The following PCDHA3 variants were observed in gnomAD, a reference collection of about 807,000 sequenced individuals.
PCDHA3 encodes protocadherin alpha-3.
PCDHA3 carries 41 observed loss-of-function variants against 62.2 expected under a neutral mutation model. The ratio of observed to expected loss-of-function variants is 0.66; its 90% CI spans 0.51 to 0.86. PCDHA3 has a LOEUF of 0.86. Ranked by LOEUF, PCDHA3 falls within the 40% of genes least tolerant of loss-of-function variation. PCDHA3 has a pLI of 0.00. For missense variants in PCDHA3, 1,304 were observed against 1,241.2 expected (o/e 1.05, Z -0.76); for synonymous variants, 640 against 555.4 (o/e 1.15, Z -2.14).
At chr5:140,990,862 AT>A (rs2097420167) in intron 3 of PCDHA3, among the ~76,000 whole-genome samples, 1 of 152,198 alleles carries the variant, frequency 6.6e-6, no homozygotes, top group Non-Finnish European at 1.5e-5. Flanking sequence ...AGGACATTGT[AT>A]TTTAAGTGTA....
Position 140,928,819 on chromosome 5 carries a change from G to A in PCDHA3, c.2395-50130G>A, listed in dbSNP as rs1464149149. On this transcript the variant is annotated intron_variant, in intron 1 of 3. Coordinates refer to ENST00000522353, the MANE Select transcript of PCDHA3 (RefSeq NM_018906.3). ...GGTGGTAGTGGTTCGGGACCATGGAGACCCACCACTTTCCTCCTCTGTCAC... is the reference window on the plus strand; with the variant it reads ...GGTGGTAGTGGTTCGGGACCATGGAAACCCACCACTTTCCTCCTCTGTCAC... 8 of 1,614,024 alleles carry A rather than the reference G, an allele frequency of 5.0e-6. No homozygotes were observed. In the Admixed American group the frequency reaches 1.0e-4, roughly 20 times the overall value.
chr5:140,870,256 A>G, intron 1 of PCDHA3: 1 of 1,614,168 alleles, frequency 6.2e-7, no homozygotes, highest in Non-Finnish European at 8.5e-7. Flanking sequence ...CGGACAGGTG[A>G]CCTGCTCGCT....
At chr5:140,821,828 T>G in intron 1 of PCDHA3, 1 of 1,614,176 alleles carries the variant, frequency 6.2e-7, no homozygotes, top group East Asian at 2.2e-5. Context: ...CTGCTCTGGC[T>G]TCTCCTTGCC....
intron 1 of PCDHA3, chr5:140,823,494 C>T (rs782300400): frequency 1.9e-6 from 3 of 1,613,266 alleles, no homozygotes; most frequent in Non-Finnish European, 2.5e-6. Flanking sequence ...GTGGCACCGG[C>T]GGCGCAGTGA....
chr5:140,835,559 C>T, intron 1 of PCDHA3: 1 of 1,613,922 alleles, frequency 6.2e-7, no homozygotes, highest in Non-Finnish European at 8.5e-7. Flanking sequence ...TGACGCCCCG[C>T]GTTCCCTTCA....
intron 1 of PCDHA3, chr5:140,926,634 T>C (rs2083423230): frequency 6.8e-6 from 3 of 438,778 alleles, no homozygotes; most frequent in Non-Finnish European, 1.2e-5. Context: ...GCTGCGCTCC[T>C]CAACACCCGG....
intron 1 of PCDHA3, among the ~76,000 whole-genome samples, chr5:140,880,863 T>C (rs1312869588): frequency 6.6e-6 from 1 of 152,170 alleles, no homozygotes; most frequent in Non-Finnish European, 1.5e-5. Flanking sequence ...TCTAATTATG[T>C]GAAGAGGTAA....
intron 1 of PCDHA3, chr5:140,856,675 G>T (rs782417357): frequency 6.3e-7 from 1 of 1,597,790 alleles, no homozygotes; most frequent in South Asian, 1.1e-5. Context: ...AGCTAAAGTT[G>T]TTGTTGACAG....
At chr5:140,926,537 T>C (rs1584447910) in intron 1 of PCDHA3, 2 of 211,572 alleles carry the variant, frequency 9.5e-6, no homozygotes, top group African/African-American at 2.3e-5. Flanking sequence ...GCAGCCAGCG[T>C]GGTGGTCGAG....
At chr5:140,833,984 G>A (rs1449864732) in intron 1 of PCDHA3, among the ~76,000 whole-genome samples, 2 of 152,118 alleles carry the variant, frequency 1.3e-5, no homozygotes, top group East Asian at 3.8e-4. Flanking sequence ...GTTTTTCTAA[G>A]GCATGAGGAA....
intron 1 of PCDHA3, among the ~76,000 whole-genome samples, chr5:140,961,895 T>A (rs1453853880): frequency 6.6e-6 from 1 of 152,012 alleles, no homozygotes; most frequent in Non-Finnish European, 1.5e-5. Flanking sequence ...CAGTTTTTTT[T>A]TTTTTTGAGA....
intron 1 of PCDHA3, chr5:140,929,120 A>G (rs781922658): frequency 6.2e-7 from 1 of 1,614,062 alleles, no homozygotes; most frequent in East Asian, 2.2e-5. Flanking sequence ...GCCACCATAG[A>G]TGTCACTACA....
At chr5:140,966,709 G>A (rs1447935100) in intron 1 of PCDHA3, 4 of 1,387,174 alleles carry the variant, frequency 2.9e-6, no homozygotes, top group Non-Finnish European at 2.8e-6. Flanking sequence ...CGTGGGGCAC[G>A]GCTGGGGAAG....
At chr5:140,894,193 T>G (rs1481492058) in intron 1 of PCDHA3, among the ~76,000 whole-genome samples, 1 of 152,170 alleles carries the variant, frequency 6.6e-6, no homozygotes, top group Non-Finnish European at 1.5e-5. Context: ...TATATATTTT[T>G]TCTATGCTAT....
chr5:140,915,992 G>A (rs1437857401), intron 1 of PCDHA3, among the ~76,000 whole-genome samples: 2 of 152,134 alleles, frequency 1.3e-5, no homozygotes, highest in African/African-American at 4.8e-5. Context: ...GGCTAAGCTG[G>A]CACTCAAACC....
chr5:140,897,361 G>A (rs1455815825), intron 1 of PCDHA3, among the ~76,000 whole-genome samples: 1 of 123,218 alleles, frequency 8.1e-6, no homozygotes, highest in Non-Finnish European at 1.6e-5. Context: ...TGTCCCCAGA[G>A]TGTGATGTTC....
intron 2 of PCDHA3, chr5:140,982,217 C>T (rs1257918481): frequency 3.9e-6 from 2 of 507,664 alleles, no homozygotes; most frequent in Non-Finnish European, 6.2e-6. Context: ...CGCCACATGG[C>T]GTTAATAAAA....
Position 140,956,868 on chromosome 5 carries a change from G to A in PCDHA3, c.2395-22081G>A, listed in dbSNP as rs1161897507. Among the ~76,000 whole-genome samples, 4 of 152,082 alleles carry A rather than the reference G, an allele frequency of 2.6e-5. No individual in the cohort carries two copies. In the South Asian group the frequency reaches 8.3e-4, roughly 32 times the overall value. On this transcript the variant is annotated intron_variant, in intron 1 of 3. Transcript: ENST00000522353. ...GGGTTAAATGGTTGAATGAATGTGT[G>A]AAAAGTTAGATATCAATGAATGAAT...
Position 140,803,406 on chromosome 5 carries a change from C to T in PCDHA3, c.2209C>T (p.Pro737Ser). ...CGAAGGCGACTGTGGGCCGGGCAAG[C>T]CCACGCTGGTGTGCTCCAGCGCGGT... ...PTEGDCGPGK[P>S]TLVCSSAVGS... Residue 737 changes from proline (P) to serine (S), a missense_variant, in exon 1 of 4, where the codon CCC becomes TCC. By Grantham distance (74) the Pro-to-Ser change is moderately conservative. Coordinates refer to ENST00000522353, the MANE Select transcript of PCDHA3 (RefSeq NM_018906.3). The T allele has an allele frequency of 6.2e-7, 1 of 1,614,226 alleles. No individual in the cohort carries two copies.
Sources: allele counts gnomAD v4.1 joint callset (sites outside exome capture counted in the v4.1 genomes callset), GRCh38; gene constraint gnomAD v4.1.1; transcripts MANE v1.5; gene names NCBI Gene and HGNC (gene_info 2026-07-23, HGNC 2026-07-21).